Variants in ZBTB44 observed in about 807,000 individuals in gnomAD.
ZBTB44 encodes zinc finger and BTB domain-containing protein 44.
In ZBTB44, 15 loss-of-function variants were observed where a neutral mutation model predicts 54.0. That is an observed-to-expected ratio of 0.28 (90% CI 0.19 to 0.43). The LOEUF is 0.43. Among genes scored for constraint, ZBTB44 ranks in the 20% least tolerant of loss-of-function variants. The pLI is 1.00. For missense variants in ZBTB44, 487 were observed against 707.1 expected (o/e 0.69, Z 3.53); for synonymous variants, 230 against 250.1 (o/e 0.92, Z 0.76).
intron 1 of ZBTB44, among the ~76,000 whole-genome samples, chr11:130,289,095 T>C (rs1243959533): frequency 1.3e-5 from 2 of 152,150 alleles, no homozygotes; most frequent in African/African-American, 4.8e-5. Flanking sequence ...TCAAGAGGTC[T>C]GTTTTGCCAT....
chr11:130,301,099 A>G (rs1186962361), intron 1 of ZBTB44, among the ~76,000 whole-genome samples: 2 of 152,142 alleles, frequency 1.3e-5, no homozygotes, highest in Non-Finnish European at 2.9e-5. Flanking sequence ...AACAGATGGT[A>G]TAAGGTCCCT....
chr11:130,245,033 A>G (rs1219122523), intron 2 of ZBTB44, among the ~76,000 whole-genome samples: 4 of 152,202 alleles, frequency 2.6e-5, no homozygotes, highest in Admixed American at 2.6e-4. Context: ...ACTCACCACA[A>G]TCATAAAGAA....
At chr11:130,260,330 A>T (rs1340565416) in intron 2 of ZBTB44, among the ~76,000 whole-genome samples, 1 of 152,224 alleles carries the variant, frequency 6.6e-6, no homozygotes, top group South Asian at 2.1e-4. Flanking sequence ...ACACTTGGGT[A>T]AACTCTTACT....
At chr11:130,255,999 A>G (rs565469115) in intron 2 of ZBTB44, among the ~76,000 whole-genome samples, 3 of 151,996 alleles carry the variant, frequency 2.0e-5, no homozygotes, top group Admixed American at 2.0e-4. Context: ...TTCACCAGAC[A>G]GATTCACAGC....
intron 1 of ZBTB44, chr11:130,295,694 G>A (rs1336050686): frequency 3.3e-6 from 5 of 1,501,874 alleles, no homozygotes; most frequent in African/African-American, 1.4e-5. Flanking sequence ...GACCACTTCT[G>A]GAAGGCAGGG....
chr11:130,292,602 A>G, intron 1 of ZBTB44, among the ~76,000 whole-genome samples: 1 of 152,236 alleles, frequency 6.6e-6, no homozygotes, highest in East Asian at 1.9e-4. Context: ...TTTTGGGATA[A>G]GCGTATTATT....
intron 5 of ZBTB44, among the ~76,000 whole-genome samples, chr11:130,236,370 TATAGA>T (rs1329015407): frequency 6.6e-6 from 1 of 152,264 alleles, no homozygotes; most frequent in African/African-American, 2.4e-5. Flanking sequence ...TATTCCTTTA[TATAGA>T]ATATTTTTAA....
chr11:130,294,160 G>A (rs1338098682), intron 1 of ZBTB44, among the ~76,000 whole-genome samples: 1 of 152,056 alleles, frequency 6.6e-6, no homozygotes, highest in African/African-American at 2.4e-5. Flanking sequence ...TGTAATCCCA[G>A]TACTTTGTGG....
At chr11:130,242,755 G>T (rs918768095) in intron 2 of ZBTB44, among the ~76,000 whole-genome samples, 1 of 152,048 alleles carries the variant, frequency 6.6e-6, no homozygotes, top group Admixed American at 6.5e-5. Flanking sequence ...TCTCTACAAT[G>T]TATCTAGGTC....
At chr11:130,250,863 C>A (rs1267800167) in intron 2 of ZBTB44, among the ~76,000 whole-genome samples, 1 of 152,174 alleles carries the variant, frequency 6.6e-6, no homozygotes, top group Non-Finnish European at 1.5e-5. Flanking sequence ...GCTGAAAATT[C>A]CAAAAACCAG....
intron 2 of ZBTB44, among the ~76,000 whole-genome samples, chr11:130,257,238 T>TAAAA (rs572669481): frequency 3.7e-5 from 4 of 109,342 alleles, no homozygotes; most frequent in Admixed American, 1.0e-4. Flanking sequence ...TCCCAGATCT[T>TAAAA]AAAAAAAAAA....
intron 1 of ZBTB44, among the ~76,000 whole-genome samples, chr11:130,270,097 A>G (rs953819822): frequency 6.6e-6 from 1 of 152,224 alleles, no homozygotes; most frequent in African/African-American, 2.4e-5. Context: ...GATGAAAGAG[A>G]AAGTAATGAG....
chr11:130,313,999 G>A (rs1942786593), intron 1 of ZBTB44, among the ~76,000 whole-genome samples: 1 of 151,284 alleles, frequency 6.6e-6, no homozygotes, highest in South Asian at 2.1e-4. Context: ...TTTTCTTTCT[G>A]TACCAGAGAA....
intron 1 of ZBTB44, among the ~76,000 whole-genome samples, chr11:130,267,441 T>C (rs1195584091): frequency 6.6e-6 from 1 of 152,030 alleles, no homozygotes; most frequent in Non-Finnish European, 1.5e-5. Context: ...GGTCTCACTC[T>C]GTCACCCAGG....
At position 130,272,700 on chromosome 11, in the gene ZBTB44, T is replaced by C. The variant is rs566186792; in HGVS notation, c.-56-10771A>G. The stretch of plus-strand genomic sequence containing the variant: ...GATTTACTAATATCTTTTTTTTTTT[T>C]TCAAGGAGTTTTAAAGTTTCAGGCC... On this transcript the variant is annotated intron_variant, in intron 1 of 7. Transcript: ENST00000357899. Among the ~76,000 whole-genome samples the C allele has an allele frequency of 5.4e-3, 823 of 152,254 alleles. 8 individuals carry two copies. The highest frequency in any genetic ancestry group is 0.018 in the African/African-American group (768 of 41,562).
chr11:130,294,941 C>T (rs17139300), intron 1 of ZBTB44, among the ~76,000 whole-genome samples: 9,521 of 152,118 alleles, frequency 0.063, 736 homozygotes, highest in African/African-American at 0.18. Context: ...AGTTTTTAAG[C>T]GTCCACACCA....
At chr11:130,238,636 C>A in intron 3 of ZBTB44, 29 bp from the exon 4 acceptor site, 1 of 1,592,992 alleles carries the variant, frequency 6.3e-7, no homozygotes. Context: ...AGAAGGCAAC[C>A]AGGCTCTGAT....
In ZBTB44 at chr11:130,249,678, A is replaced by G. The variant is rs534157533; in HGVS notation, c.1019-9782T>C. Among the ~76,000 whole-genome samples the G allele has an allele frequency of 2.8e-3, 430 of 152,334 alleles. 1 individual carries two copies. Among genetic ancestry groups the G allele is most frequent in the Non-Finnish European group, 4.4e-3 (296 of 68,018 alleles). On this transcript the variant is annotated intron_variant, in intron 2 of 7. Coordinates refer to ENST00000357899, the MANE Select transcript of ZBTB44 (RefSeq NM_001301098.2). The stretch of plus-strand genomic sequence containing the variant: ...AGCAGGGTGGGGCGTTACCTCACCC[A>G]GGAAGTGCAAGGAGCCAAGGAAAGC...
At position 130,312,157 on chromosome 11, in the gene ZBTB44, C is replaced by A. The variant is rs527568289; in HGVS notation, c.-57+2218G>T. Among the ~76,000 whole-genome samples, 89 of 152,278 alleles carry A rather than the reference C, an allele frequency of 5.8e-4. 1 individual carries two copies. The highest frequency in any genetic ancestry group is 2.1e-3 in the African/African-American group (86 of 41,558). On this transcript the variant is annotated intron_variant, in intron 1 of 7. Transcript: ENST00000357899. ...TACCTGCACTTAATGAAGGAAATCT[C>A]TTCCTTACAGAGAACCTCCAATAAC... is the stretch of plus-strand genomic sequence containing the variant.
Sources: gnomAD v4.1 joint callset for allele counts (sites outside exome capture counted in the v4.1 genomes callset) on GRCh38, gnomAD v4.1.1 for gene constraint, MANE v1.5 for transcripts, NCBI Gene and HGNC (gene_info 2026-07-23, HGNC 2026-07-21) for gene names.